MCCC1: variants seen among roughly 807,000 people sequenced by gnomAD.
The protein encoded by MCCC1 is methylcrotonoyl-CoA carboxylase subunit alpha, mitochondrial.
MCCC1 carries 64 observed loss-of-function variants against 83.8 expected under a neutral mutation model. The ratio of observed to expected loss-of-function variants is 0.76; its 90% CI spans 0.62 to 0.94. MCCC1 has a LOEUF of 0.94. Ranked by LOEUF, MCCC1 falls within the 40% of genes least tolerant of loss-of-function variation. The probability of loss-of-function intolerance (pLI) is 0.00; values close to 1 mark genes in which losing one functional copy is unlikely to be tolerated. For missense variants in MCCC1, 807 were observed against 904.7 expected (o/e 0.89, Z 1.39); for synonymous variants, 322 against 315.4 (o/e 1.02, Z -0.22).
chr3:183,046,279 T>C (rs1337727465), intron 9 of MCCC1, among the ~76,000 whole-genome samples: 1 of 152,264 alleles, frequency 6.6e-6, no homozygotes, highest in Non-Finnish European at 1.5e-5. Context: ...GAATTTTATA[T>C]AAATGAAATC....
At chr3:183,071,385 C>T (rs1341413395) in intron 5 of MCCC1, 28 bp from the exon 6 acceptor site, 1 of 1,613,920 alleles carries the variant, frequency 6.2e-7, no homozygotes, top group African/African-American at 1.3e-5. Flanking sequence ...AAACAACATG[C>T]CCCAAATTCT....
rs149062105 is a variant in MCCC1, at chr3:183,091,855, G to A, written c.273+554C>T. The stretch of plus-strand genomic sequence containing the variant: ...AGATTGAGACCATCCTGGCTAACAC[G>A]GTGAAAACCTGTCTCTACTAAAAAT... On this transcript the variant is annotated intron_variant, in intron 3 of 18. Coordinates refer to ENST00000265594, the MANE Select transcript of MCCC1 (RefSeq NM_020166.5). 3.1e-3 allele frequency among the ~76,000 whole-genome samples: 467 copies of A among 152,220 alleles called. 1 individual carries two copies. The highest frequency in any genetic ancestry group is 0.01 in the African/African-American group (436 of 41,528).
chr3:183,099,509 T>G, upstream of MCCC1: 3 of 1,532,358 alleles, frequency 2.0e-6, no homozygotes, highest in Non-Finnish European at 2.6e-6. Flanking sequence ...GCCAAACCCG[T>G]TCCTCCACTA....
rs113219789 is a variant in MCCC1, at chr3:183,096,370, T to G, written c.90-1765A>C. Among the ~76,000 whole-genome samples, 1,078 of 151,958 alleles carry G rather than the reference T, an allele frequency of 7.1e-3. 16 individuals are homozygous for G. Among genetic ancestry groups the G allele is most frequent in the African/African-American group, 0.025 (1,022 of 41,432 alleles). On this transcript the variant is annotated intron_variant, in intron 1 of 18. Transcript: ENST00000265594. ...AATAAATAAATAAATAAAAAGCATA[T>G]GCAGGGAAACAAACAAATTACAGAA...
chr3:183,056,801 C>A (rs1389876278), intron 8 of MCCC1, among the ~76,000 whole-genome samples: 1 of 152,194 alleles, frequency 6.6e-6, no homozygotes, highest in East Asian at 1.9e-4. Context: ...TCAAGCAATT[C>A]TCCTGCCTCA....
At chr3:183,086,920 G>T in intron 3 of MCCC1, 132 bp from the exon 4 acceptor site, 2 of 782,290 alleles carry the variant, frequency 2.6e-6, no homozygotes, top group Non-Finnish European at 4.3e-6. Context: ...TGCAAGAATT[G>T]AAAAACTGAA....
At chr3:183,035,957 C>T (rs376920840) in intron 13 of MCCC1, among the ~76,000 whole-genome samples, 1 of 151,020 alleles carries the variant, frequency 6.6e-6, no homozygotes, top group South Asian at 2.1e-4. Flanking sequence ...GGTATATCTC[C>T]TAATGCTATC....
chr3:183,020,910 A>G (rs1040970511), intron 16 of MCCC1, among the ~76,000 whole-genome samples: 3 of 151,972 alleles, frequency 2.0e-5, no homozygotes, highest in African/African-American at 7.2e-5. Context: ...AATACAAAAA[A>G]TTAGCTGGGC....
chr3:183,017,349 G>C lies in MCCC1; in HGVS notation c.1978-12C>G. 6.2e-7 allele frequency: 1 copy of C among 1,613,136 alleles called. No individual in the cohort carries two copies. Among genetic ancestry groups the C allele is most frequent in the Non-Finnish European group, 8.5e-7 (1 of 1,179,666 alleles). On this transcript the variant is annotated splice_polypyrimidine_tract_variant and intron_variant, in intron 17 of 18. Coordinates refer to ENST00000265594, the MANE Select transcript of MCCC1 (RefSeq NM_020166.5). ...GCTTTGACAAACACCTTGAGATTCA[G>C]TGTGACAGGTTAATATTTGAAAACA...
chr3:183,107,535 T>TATTA (rs1553872789), intron 1 of MCCC1, among the ~76,000 whole-genome samples: 1,659 of 149,228 alleles, frequency 0.011, 27 homozygotes, highest in African/African-American at 0.039. Context: ...TTATTATTAT[T>TATTA]TGTTGTTGTT....
At chr3:183,036,891 TC>T (rs1265968957) in intron 13 of MCCC1, among the ~76,000 whole-genome samples, 1 of 152,044 alleles carries the variant, frequency 6.6e-6, no homozygotes, top group Non-Finnish European at 1.5e-5. Flanking sequence ...GCCAGGATGG[TC>T]TTGATCTCCT....
chr3:183,098,075 G>A (rs1347179594), intron 1 of MCCC1, among the ~76,000 whole-genome samples: 1 of 152,132 alleles, frequency 6.6e-6, no homozygotes, highest in Non-Finnish European at 1.5e-5. Context: ...CTATAGGCGC[G>A]TGTCACCACG....
chr3:183,110,849 C>T (rs888882436), intron 1 of MCCC1, among the ~76,000 whole-genome samples: 3 of 152,170 alleles, frequency 2.0e-5, no homozygotes, highest in Admixed American at 6.5e-5. Context: ...TTTCAATCTT[C>T]TGCATATGGC....
At chr3:183,095,311 A>G (rs1490726115) in intron 1 of MCCC1, among the ~76,000 whole-genome samples, 1 of 152,094 alleles carries the variant, frequency 6.6e-6, no homozygotes, top group Non-Finnish European at 1.5e-5. Context: ...AAAAAGAACA[A>G]AACTCTTTTG....
chr3:183,099,080 G>A lies in MCCC1; in HGVS notation c.89+272C>T, dbSNP rs549681252. On this transcript the variant is annotated intron_variant, in intron 1 of 18. Coordinates refer to ENST00000265594, the MANE Select transcript of MCCC1 (RefSeq NM_020166.5). ...CAGCGACGGCGAGGGGAGCCTGGAG[G>A]ATGGCGGGCCCAGTCCTCAGAAATG... is the stretch of plus-strand genomic sequence containing the variant. The A allele has an allele frequency of 7.0e-6, 4 of 573,040 alleles. No individual in the cohort carries two copies. In the African/African-American group the frequency reaches 7.5e-5, roughly 11 times the overall value. The allele number at this position is 573,040 out of a possible 1,614,324, so 35.5% of individuals were successfully genotyped here.
intron 7 of MCCC1, among the ~76,000 whole-genome samples, chr3:183,066,874 A>G (rs1716295197): frequency 6.6e-6 from 1 of 152,222 alleles, no homozygotes; most frequent in African/African-American, 2.4e-5. Context: ...CTTTTAAGCT[A>G]TTGACAGCTT....
chr3:183,064,937 C>CTCCCT lies in MCCC1; in HGVS notation c.761+6057_761+6061dup, dbSNP rs960306069. On this transcript the variant is annotated intron_variant, in intron 7 of 18. Transcript: ENST00000265594. The surrounding 1 kb of genome is among the most constrained non-coding windows in gnomAD (Gnocchi z 4.5). ...CATCCTGCCACAAAGCAATGCTTTTCTCCCTTCCCTTCCCTTTCTCTCTCT... is the reference window on the plus strand; with the variant it reads ...CATCCTGCCACAAAGCAATGCTTTTCTCCCTTCCCTTCCCTTCCCTTTCTCTCTCT... Among the ~76,000 whole-genome samples the CTCCCT allele has an allele frequency of 1.3e-5, 2 of 151,498 alleles. No individual in the cohort carries two copies. The highest frequency in any genetic ancestry group is 2.4e-5 in the African/African-American group (1 of 41,262).
chr3:183,083,398 C>G (rs1273702692), intron 4 of MCCC1, among the ~76,000 whole-genome samples: 1 of 152,240 alleles, frequency 6.6e-6, no homozygotes, highest in African/African-American at 2.4e-5. Flanking sequence ...TTCATTCACT[C>G]ATGTTACTTG....
chr3:183,045,199 C>A (rs1714448885), intron 10 of MCCC1, among the ~76,000 whole-genome samples: 1 of 151,946 alleles, frequency 6.6e-6, no homozygotes, highest in African/African-American at 2.4e-5. Flanking sequence ...CCTGCCTCAG[C>A]CTCCTGAGTA....
Sources: allele counts gnomAD v4.1 joint callset (sites outside exome capture counted in the v4.1 genomes callset), GRCh38; gene constraint gnomAD v4.1.1; non-coding constraint Gnocchi (gnomAD v3.1); transcripts MANE v1.5; gene names NCBI Gene and HGNC (gene_info 2026-07-23, HGNC 2026-07-21).